ZNF462: variants seen among roughly 807,000 people sequenced by gnomAD.
The protein encoded by ZNF462 is zinc finger protein 462.
In ZNF462, 10 loss-of-function variants were observed where a neutral mutation model predicts 201.9. The observed-to-expected ratio is 0.05, with a 90% confidence interval of 0.03 to 0.08. The LOEUF is 0.08. Ranked by LOEUF, ZNF462 falls within the 10% of genes least tolerant of loss-of-function variation. The pLI, the probability that ZNF462 is intolerant of heterozygous loss-of-function variation, is 1.00. For synonymous variants in ZNF462, 1,227 were observed against 1,193.3 expected (o/e 1.03, Z -0.58); for missense variants, 2,523 against 3,168.3 (o/e 0.80, Z 4.89).
In ZNF462 at chr9:106,929,109, T is replaced by G; in HGVS notation, c.5197T>G (p.Ser1733Ala). The G allele has an allele frequency of 6.2e-7, 1 of 1,613,998 alleles. No individual in the cohort carries two copies. The highest frequency in any genetic ancestry group is 1.3e-5 in the African/African-American group (1 of 74,972). The change falls in exon 3 of 13, where the codon TCC becomes GCC. Residue 1733 changes from serine to alanine, a missense_variant. Transcript: ENST00000277225. The surrounding 1 kb of genome is among the most constrained non-coding windows in gnomAD (Gnocchi z 8.7). Reference protein sequence around the residue: ...DAYYTHCLAASRTISDKPNKV... With the variant: ...DAYYTHCLAAARTISDKPNKV... Reference sequence around the variant, plus strand: ...GTATTACACTCACTGCTTGGCAGCCTCCAGGACCATCAGCGACAAGCCCAA... The same window carrying G: ...GTATTACACTCACTGCTTGGCAGCCGCCAGGACCATCAGCGACAAGCCCAA...
In ZNF462 at chr9:106,993,179, C is replaced by T. The variant is rs1828423383; in HGVS notation, c.7056+8770C>T. On this transcript the variant is annotated intron_variant, in intron 10 of 12. Coordinates refer to ENST00000277225, the MANE Select transcript of ZNF462 (RefSeq NM_021224.6). This position sits in a 1 kb window ranked among gnomAD's most constrained non-coding sequence, Gnocchi z 4.0. ...ATTAAAAAGAACTGAACATTCAAAA[C>T]TGGACTTCTGAATTCTGCCTGCAAA... Among the ~76,000 whole-genome samples the T allele has an allele frequency of 6.6e-6, 1 of 152,134 alleles. No homozygotes were observed. Among genetic ancestry groups the T allele is most frequent in the African/African-American group, 2.4e-5 (1 of 41,442 alleles).
At chr9:106,910,324 A>G (rs1448742825) in intron 1 of ZNF462, among the ~76,000 whole-genome samples, 1 of 120,682 alleles carries the variant, frequency 8.3e-6, no homozygotes, top group Admixed American at 8.3e-5. Context: ...GGTCGTTTCC[A>G]TGCTACATTT....
In ZNF462 at chr9:106,965,611, A is replaced by G. The variant is rs200568746; in HGVS notation, c.6428-6394A>G. Among the ~76,000 whole-genome samples, 966 of 116,758 alleles carry G rather than the reference A, an allele frequency of 8.3e-3. 11 individuals are homozygous for G. Among genetic ancestry groups the G allele is most frequent in the African/African-American group, 0.028 (869 of 31,022 alleles). The allele number at this position is 116,758 out of a possible 152,430, so 76.6% of individuals were successfully genotyped here. On this transcript the variant is annotated intron_variant, in intron 7 of 12. Transcript: ENST00000277225. ...GGAAGAATCTCACAATTTGAGCTCA[A>G]ACAAAGTGGTGGGCCATTTACCAAC...
intron 1 of ZNF462, among the ~76,000 whole-genome samples, chr9:106,868,463 G>A (rs752442118): frequency 6.6e-6 from 1 of 152,156 alleles, no homozygotes; most frequent in Non-Finnish European, 1.5e-5. Flanking sequence ...CTGAAGTTTC[G>A]GGGTGAGGAG....
In ZNF462 at chr9:106,924,076, TGATTGGA is replaced by T; in HGVS notation, c.221-56_221-50del. ...ATAATTGGAATGGTACTGATTTGCA[TGATTGGA>T]TATTTTAATTATCTTTTGCTTTGTC... On this transcript the variant is annotated intron_variant, in intron 2 of 12. Transcript: ENST00000277225. This position sits in a 1 kb window ranked among gnomAD's most constrained non-coding sequence, Gnocchi z 6.2. The T allele has an allele frequency of 2.1e-6, 3 of 1,403,424 alleles. No homozygotes were observed. Among genetic ancestry groups the T allele is most frequent in the Non-Finnish European group, 2.9e-6 (3 of 1,027,784 alleles). The allele number at this position is 1,403,424 out of a possible 1,614,324, so 86.9% of individuals were successfully genotyped here. A position where few individuals can be genotyped will look rare whatever the true frequency, so the allele number is the denominator to read the frequency against.
chr9:106,992,342 T>A (rs916997973), intron 10 of ZNF462, among the ~76,000 whole-genome samples: 1 of 152,114 alleles, frequency 6.6e-6, no homozygotes, highest in Non-Finnish European at 1.5e-5. Context: ...AGGCTGATAG[T>A]ATCAAAGTGT....
Position 106,939,015 on chromosome 9 carries a change from T to G in ZNF462, c.6335T>G (p.Leu2112Arg). 6.2e-7 allele frequency: 1 copy of G among 1,613,674 alleles called. No individual in the cohort carries two copies. Among genetic ancestry groups the G allele is most frequent in the Non-Finnish European group, 8.5e-7 (1 of 1,179,898 alleles). Residue 2112 changes from leucine (L) to arginine (R), a missense_variant, in exon 7 of 13, where the codon CTC (leucine) becomes CGC (arginine). Physicochemically the swap from Leu to Arg is moderately radical, Grantham distance 102 (BLOSUM62 -2). Transcript: ENST00000277225. Reference sequence around the variant, plus strand: ...AAGGTCCACGGAAAAGCCCTGACCCTCCCCAGGCCACGGATCGTCAGTCTC... The same window carrying G: ...AAGGTCCACGGAAAAGCCCTGACCCGCCCCAGGCCACGGATCGTCAGTCTC... The part of the protein sequence containing the change: ...SLKVHGKALT[L>R]PRPRIVSLLS...
rs969559701 is a variant in ZNF462 at position 106,869,545 on chromosome 9, G to A, written c.-31+6190G>A. ...CACATTTTCTAAGCTCCTTCCAAAC[G>A]AATGCATCAATTTTTAATCCAGGAG... On this transcript the variant is annotated intron_variant, in intron 1 of 12. Coordinates refer to ENST00000277225, the MANE Select transcript of ZNF462 (RefSeq NM_021224.6). Among the ~76,000 whole-genome samples the A allele has an allele frequency of 3.3e-5, 5 of 152,182 alleles. No individual in the cohort carries two copies. The East Asian group carries it at 5.8e-4, about 18-fold the overall frequency.
Position 106,925,616 on chromosome 9 carries a change from G to A in ZNF462, c.1704G>A (p.Leu568=), listed in dbSNP as rs1160321535. The A allele has an allele frequency of 6.2e-7, 1 of 1,612,218 alleles. No individual in the cohort carries two copies. The highest frequency in any genetic ancestry group is 8.5e-7 in the Non-Finnish European group (1 of 1,179,676). Residue 568 remains leucine (L), a synonymous_variant, in exon 3 of 13, where the codon CTG becomes CTA. Coordinates refer to ENST00000277225, the MANE Select transcript of ZNF462 (RefSeq NM_021224.6). This position sits in a 1 kb window ranked among gnomAD's most constrained non-coding sequence, Gnocchi z 7.9. ...TGCAGCAGCCACAGCCACCACAGCTGCAGCCACCACATCAGGTGCCACCCC... is the reference window on the plus strand; with the variant it reads ...TGCAGCAGCCACAGCCACCACAGCTACAGCCACCACATCAGGTGCCACCCC... ...QPLQQPQPPQ[L]QPPHQVPPQP...
intron 10 of ZNF462, among the ~76,000 whole-genome samples, chr9:106,986,939 T>C (rs1230589982): frequency 6.6e-6 from 1 of 152,078 alleles, no homozygotes; most frequent in Admixed American, 6.6e-5. Flanking sequence ...GCACATGCCA[T>C]TAATACATTC....
intron 10 of ZNF462, among the ~76,000 whole-genome samples, chr9:106,996,214 A>G (rs1407949004): frequency 1.3e-5 from 2 of 152,134 alleles, no homozygotes; most frequent in African/African-American, 2.4e-5. Context: ...CCAGTCTATT[A>G]TTGATGGACA....
rs563289572 is a variant in ZNF462, at chr9:107,011,293, C to T, written c.*263C>T. On this transcript the variant is annotated 3_prime_UTR_variant, in exon 13 of 13. Coordinates refer to ENST00000277225, the MANE Select transcript of ZNF462 (RefSeq NM_021224.6). This position sits in a 1 kb window ranked among gnomAD's most constrained non-coding sequence, Gnocchi z 5.6. ...TTCATCATGGAAGTTTCATTTGTTG[C>T]GGAATATGGAAGCACCTCCCAATGG... The T allele has an allele frequency of 5.4e-5, 23 of 422,186 alleles. No homozygotes were observed. The highest frequency in any genetic ancestry group is 1.2e-4 in the African/African-American group (6 of 49,512). 26.2% of individuals were successfully genotyped at this position (422,186 alleles called of 1,614,324 possible).
chr9:106,961,415 G>T (rs1453607227), intron 7 of ZNF462, among the ~76,000 whole-genome samples: 3 of 152,218 alleles, frequency 2.0e-5, no homozygotes, highest in South Asian at 2.1e-4. Flanking sequence ...CAGCAAACAT[G>T]GTTCAGTGTT....
rs1293859639 is a variant in ZNF462, at chr9:106,926,873, C to G, written c.2961C>G (p.Asn987Lys). 1.9e-6 allele frequency: 3 copies of G among 1,614,170 alleles called. No homozygotes were observed. In the South Asian group the frequency reaches 3.3e-5, roughly 18 times the overall value. The stretch of plus-strand genomic sequence containing the variant: ...AGATTCTGAATTCGGCTCCCAAGAA[C>G]ATGGCGACTTCCACACCTGTGGCTC... Reference protein sequence around the residue: ...LREILNSAPKNMATSTPVARG... With the variant: ...LREILNSAPKKMATSTPVARG... The change falls in exon 3 of 13, where the codon AAC (asparagine) becomes AAG (lysine). Residue 987 changes from asparagine to lysine, a missense_variant. By Grantham distance (94) the Asn-to-Lys change is moderately conservative. Around this residue, in one of 15 missense-constraint regions of ZNF462, gnomAD observed 280 missense variants for 321.3 expected, o/e 0.87. Coordinates refer to ENST00000277225, the MANE Select transcript of ZNF462 (RefSeq NM_021224.6). The surrounding 1 kb of genome is among the most constrained non-coding windows in gnomAD (Gnocchi z 7.9).
chr9:106,915,617 T>C (rs1413676811), intron 1 of ZNF462, among the ~76,000 whole-genome samples: 2 of 152,318 alleles, frequency 1.3e-5, no homozygotes, highest in African/African-American at 4.8e-5. Flanking sequence ...TGTATCTGAA[T>C]GGGCCAGTTG....
intron 7 of ZNF462, among the ~76,000 whole-genome samples, chr9:106,960,404 A>G (rs1831777315): frequency 6.6e-6 from 1 of 152,198 alleles, no homozygotes; most frequent in Admixed American, 6.5e-5. Flanking sequence ...TGTGAGCTCT[A>G]AATACCATCT....
chr9:106,928,429 A>G lies in ZNF462; in HGVS notation c.4517A>G (p.Asp1506Gly). The change falls in exon 3 of 13, where the codon GAC becomes GGC. Residue 1506 changes from aspartate to glycine, a missense_variant. Coordinates refer to ENST00000277225, the MANE Select transcript of ZNF462 (RefSeq NM_021224.6). This position sits in a 1 kb window ranked among gnomAD's most constrained non-coding sequence, Gnocchi z 9.3. ...MKVKAADFAQ[D>G]IDINPGAVYK... The stretch of plus-strand genomic sequence containing the variant: ...GTGAAGGCTGCTGACTTTGCCCAGG[A>G]CATTGACATCAACCCAGGTGCCGTC... 6.2e-7 allele frequency: 1 copy of G among 1,614,186 alleles called. No homozygotes were observed. The highest frequency in any genetic ancestry group is 8.5e-7 in the Non-Finnish European group (1 of 1,180,044).
chr9:106,903,224 T>C (rs1015857571), intron 1 of ZNF462, among the ~76,000 whole-genome samples: 7 of 152,182 alleles, frequency 4.6e-5, no homozygotes, highest in Non-Finnish European at 1.0e-4. Flanking sequence ...TTTCCATGTA[T>C]TTTCATGGTT....
chr9:106,951,857 T>G (rs1831365254), intron 7 of ZNF462, among the ~76,000 whole-genome samples: 1 of 152,054 alleles, frequency 6.6e-6, no homozygotes, highest in South Asian at 2.1e-4. Context: ...TTGTGTTTTT[T>G]TTTTTTTTTC....
Sources: allele counts gnomAD v4.1 joint callset (sites outside exome capture counted in the v4.1 genomes callset), GRCh38; gene constraint gnomAD v4.1.1; regional missense constraint gnomAD v4.1.1; non-coding constraint Gnocchi (gnomAD v3.1); transcripts MANE v1.5; gene names NCBI Gene and HGNC (gene_info 2026-07-23, HGNC 2026-07-21).